SPTLC3: variants seen among roughly 807,000 people sequenced by gnomAD.
SPTLC3 encodes the protein serine palmitoyltransferase long chain base subunit 3, also known as serine palmitoyltransferase 3.
SPTLC3 carries 36 observed loss-of-function variants against 59.3 expected under a neutral mutation model. The ratio of observed to expected loss-of-function variants is 0.61; its 90% CI spans 0.47 to 0.80. SPTLC3 has a LOEUF of 0.80. Ranked by LOEUF, SPTLC3 falls within the 30% of genes least tolerant of loss-of-function variation. The probability of loss-of-function intolerance (pLI) is 0.00; values close to 1 mark genes in which losing one functional copy is unlikely to be tolerated. For missense variants in SPTLC3, 625 were observed against 685.1 expected (o/e 0.91, Z 0.98); for synonymous variants, 257 against 240.8 (o/e 1.07, Z -0.62).
intron 6 of SPTLC3, among the ~76,000 whole-genome samples, chr20:13,105,736 A>T (rs1989853238): frequency 6.6e-6 from 1 of 152,238 alleles, no homozygotes; most frequent in South Asian, 2.1e-4. Flanking sequence ...ATTTCTGCAC[A>T]AAAACTTATA....
At chr20:13,038,532 C>T (rs1434370340) in intron 1 of SPTLC3, among the ~76,000 whole-genome samples, 2 of 152,144 alleles carry the variant, frequency 1.3e-5, no homozygotes, top group East Asian at 1.9e-4. Context: ...CAATGTCCCT[C>T]TTTCTTGATT....
intron 8 of SPTLC3, among the ~76,000 whole-genome samples, chr20:13,120,852 A>G (rs1990866027): frequency 6.6e-6 from 1 of 152,334 alleles, no homozygotes; most frequent in South Asian, 2.1e-4. Context: ...CAGTCTGTCC[A>G]GAGCCAGCAG....
chr20:13,071,847 T>A (rs1468983236), intron 2 of SPTLC3, among the ~76,000 whole-genome samples: 12 of 152,194 alleles, frequency 7.9e-5, no homozygotes, highest in Non-Finnish European at 5.9e-5. Context: ...GGTCCGATAG[T>A]TCAAGTTCAT....
chr20:13,021,963 A>G (rs1481194987), intron 1 of SPTLC3, among the ~76,000 whole-genome samples: 1 of 152,206 alleles, frequency 6.6e-6, no homozygotes, highest in Non-Finnish European at 1.5e-5. Flanking sequence ...GTATAGAGAT[A>G]TGTAAATGTA....
At chr20:13,016,062 T>A (rs1985514084) in intron 1 of SPTLC3, among the ~76,000 whole-genome samples, 2 of 152,014 alleles carry the variant, frequency 1.3e-5, no homozygotes, top group Non-Finnish European at 2.9e-5. Flanking sequence ...TCTGATTATA[T>A]AAATAACTTT....
intron 1 of SPTLC3, among the ~76,000 whole-genome samples, chr20:13,018,802 C>T (rs1417015996): frequency 6.6e-6 from 1 of 152,112 alleles, no homozygotes; most frequent in Non-Finnish European, 1.5e-5. Flanking sequence ...GTAAATATGG[C>T]TACCTTTGTC....
chr20:13,113,500 G>C (rs528993833), intron 7 of SPTLC3, among the ~76,000 whole-genome samples: 1 of 152,220 alleles, frequency 6.6e-6, no homozygotes, highest in Admixed American at 6.5e-5. Context: ...GAAAAGGCTA[G>C]ATACCCAGTC....
intron 1 of SPTLC3, among the ~76,000 whole-genome samples, chr20:13,018,132 T>A (rs1304976885): frequency 6.6e-6 from 1 of 152,244 alleles, no homozygotes; most frequent in African/African-American, 2.4e-5. Context: ...ATAGACCAGC[T>A]GTCCCTGTTG....
intron 7 of SPTLC3, among the ~76,000 whole-genome samples, chr20:13,112,481 C>T (rs575059861): frequency 3.9e-5 from 6 of 152,272 alleles, no homozygotes; most frequent in Non-Finnish European, 7.4e-5. Context: ...AGGCCAGCCC[C>T]GATTCAAAAG....
In SPTLC3 at chr20:13,088,488, C is replaced by T. The variant is rs533854046; in HGVS notation, c.608-2595C>T. ...TAGCTGGGACTACAGGCGCCCGCCA[C>T]CACGCCCAGCTAATTTTTCGTATTT... is the stretch of plus-strand genomic sequence containing the variant. On this transcript the variant is annotated intron_variant, in intron 4 of 11. Coordinates refer to ENST00000399002, the MANE Select transcript of SPTLC3 (RefSeq NM_018327.4). Among the ~76,000 whole-genome samples the T allele has an allele frequency of 2.8e-4, 42 of 152,112 alleles. No individual in the cohort carries two copies. The East Asian group carries it at 7.8e-3, about 28-fold the overall frequency.
intron 1 of SPTLC3, among the ~76,000 whole-genome samples, chr20:13,028,853 A>T (rs931902045): frequency 6.6e-6 from 1 of 152,124 alleles, no homozygotes; most frequent in Non-Finnish European, 1.5e-5. Flanking sequence ...GCCTTGGGAC[A>T]CTCGTATCCT....
chr20:13,115,075 C>G (rs1166666306), intron 7 of SPTLC3, among the ~76,000 whole-genome samples: 1 of 152,164 alleles, frequency 6.6e-6, no homozygotes, highest in Non-Finnish European at 1.5e-5. Context: ...AAGAAAAACA[C>G]AACCTTCCAT....
intron 5 of SPTLC3, 80 bp downstream of exon 5, chr20:13,091,287 T>G: frequency 6.5e-7 from 1 of 1,540,906 alleles, no homozygotes; most frequent in South Asian, 1.2e-5. Context: ...GTTAGAAGTA[T>G]GGCTGAGATG....
intron 2 of SPTLC3, among the ~76,000 whole-genome samples, chr20:13,058,373 C>T (rs1987812102): frequency 1.3e-5 from 2 of 151,186 alleles, no homozygotes; most frequent in Non-Finnish European, 2.9e-5. Flanking sequence ...TGCATAGATC[C>T]GAACCCAAAG....
chr20:13,048,232 A>G (rs1008267218), intron 1 of SPTLC3, among the ~76,000 whole-genome samples: 1 of 152,178 alleles, frequency 6.6e-6, no homozygotes, highest in Admixed American at 6.5e-5. Context: ...TTGGATTTCC[A>G]CAGTTGCTCA....
At chr20:13,108,577 C>T (rs1338497462) in intron 6 of SPTLC3, among the ~76,000 whole-genome samples, 1 of 151,298 alleles carries the variant, frequency 6.6e-6, no homozygotes, top group Admixed American at 6.6e-5. Flanking sequence ...TTAGATTTAT[C>T]TTTTTTTTTC....
At chr20:13,135,141 T>C (rs2038213663) in intron 9 of SPTLC3, among the ~76,000 whole-genome samples, 1 of 152,236 alleles carries the variant, frequency 6.6e-6, no homozygotes, top group African/African-American at 2.4e-5. Flanking sequence ...ATAACTGCTA[T>C]CCCTTAGGAT....
chr20:13,141,377 G>A (rs548250073), intron 9 of SPTLC3, among the ~76,000 whole-genome samples: 10 of 152,216 alleles, frequency 6.6e-5, no homozygotes, highest in African/African-American at 1.2e-4. Flanking sequence ...ACTGTGGTGC[G>A]GGTGATAAAA....
At chr20:13,114,359 C>T (rs1990414558) in intron 7 of SPTLC3, among the ~76,000 whole-genome samples, 1 of 152,136 alleles carries the variant, frequency 6.6e-6, no homozygotes, top group Non-Finnish European at 1.5e-5. Flanking sequence ...AGTCTAGATC[C>T]CTTATCAACT....
Sources: allele counts gnomAD v4.1 joint callset (sites outside exome capture counted in the v4.1 genomes callset), GRCh38; gene constraint gnomAD v4.1.1; transcripts MANE v1.5; gene names NCBI Gene and HGNC (gene_info 2026-07-23, HGNC 2026-07-21).